AGBL4: variants seen among roughly 807,000 people sequenced by gnomAD.
AGBL4 encodes the protein cytosolic carboxypeptidase 6.
Under a neutral mutation model 66.4 loss-of-function variants are expected in AGBL4, and 58 were observed. The observed-to-expected ratio is 0.87, with a 90% CI of 0.71 to 1.09. AGBL4 has a LOEUF of 1.09. Among genes scored for constraint, AGBL4 ranks in the 50% least tolerant of loss-of-function variants. The pLI, the probability that AGBL4 is intolerant of heterozygous loss-of-function variation, is 0.00. For synonymous variants in AGBL4, 234 were observed against 222.9 expected, an observed-to-expected ratio of 1.05 and a Z score of -0.44; for missense variants, 579 against 631.0, an observed-to-expected ratio of 0.92 and a Z score of 0.88.
At chr1:50,015,559 A>G (rs1398053475) in intron 1 of AGBL4, among the ~76,000 whole-genome samples, 1 of 152,188 alleles carries the variant, frequency 6.6e-6, no homozygotes, top group Admixed American at 6.5e-5. Flanking sequence ...TGGGAGGCTG[A>G]GATGAGACCA....
chr1:49,560,788 AG>A (rs1644019281), intron 3 of AGBL4, among the ~76,000 whole-genome samples: 1 of 25,148 alleles, frequency 4.0e-5, no homozygotes, highest in South Asian at 9.7e-4. Flanking sequence ...CTTACAAACT[AG>A]GAGAGACTCG....
At chr1:48,909,322 A>G (rs1051607861) in intron 5 of AGBL4, among the ~76,000 whole-genome samples, 1 of 152,180 alleles carries the variant, frequency 6.6e-6, no homozygotes, top group African/African-American at 2.4e-5. Flanking sequence ...TCAGTACTCA[A>G]TAAGGAATTT....
intron 3 of AGBL4, among the ~76,000 whole-genome samples, chr1:49,247,027 C>G (rs1282953257): frequency 6.6e-6 from 1 of 151,966 alleles, no homozygotes; most frequent in East Asian, 1.9e-4. Context: ...TAAATGTAGA[C>G]ACTATGGCTC....
intron 3 of AGBL4, among the ~76,000 whole-genome samples, chr1:49,438,194 T>A (rs1645945784): frequency 6.6e-6 from 1 of 152,216 alleles, no homozygotes; most frequent in Non-Finnish European, 1.5e-5. Flanking sequence ...AACTTTCCTT[T>A]GGCCAACCTA....
intron 4 of AGBL4, among the ~76,000 whole-genome samples, chr1:49,122,641 T>C (rs1272986148): frequency 1.3e-5 from 2 of 152,196 alleles, no homozygotes; most frequent in African/African-American, 4.8e-5. Flanking sequence ...CAACCTGCAG[T>C]TTAATCCTAA....
intron 2 of AGBL4, among the ~76,000 whole-genome samples, chr1:49,848,759 G>A (rs921280250): frequency 5.9e-5 from 9 of 152,020 alleles, no homozygotes; most frequent in Admixed American, 3.9e-4. Flanking sequence ...TTACCACTAC[G>A]CAATATATCA....
chr1:49,275,626 AT>A (rs756167237), intron 3 of AGBL4, among the ~76,000 whole-genome samples: 39 of 152,174 alleles, frequency 2.6e-4, no homozygotes, highest in Non-Finnish European at 4.6e-4. Flanking sequence ...GAGAGAAAAA[AT>A]GTTTCAGAAA....
chr1:48,669,297 G>T (rs1646239529), intron 6 of AGBL4, among the ~76,000 whole-genome samples: 1 of 152,190 alleles, frequency 6.6e-6, no homozygotes, highest in African/African-American at 2.4e-5. Context: ...ATAATAGCAG[G>T]TGCCATTTAC....
chr1:48,796,336 G>C (rs1342567097), intron 6 of AGBL4, among the ~76,000 whole-genome samples: 2 of 152,168 alleles, frequency 1.3e-5, no homozygotes, highest in Non-Finnish European at 2.9e-5. Context: ...GTTATGTGTG[G>C]CTTGTTTACT....
At chr1:49,720,686 T>A (rs1443574738) in intron 2 of AGBL4, among the ~76,000 whole-genome samples, 1 of 152,122 alleles carries the variant, frequency 6.6e-6, no homozygotes, top group Admixed American at 6.6e-5. Flanking sequence ...TCAAATGACG[T>A]GATACGTGCA....
At chr1:49,554,267 C>T (rs984645716) in intron 3 of AGBL4, among the ~76,000 whole-genome samples, 9 of 152,108 alleles carry the variant, frequency 5.9e-5, no homozygotes, top group East Asian at 1.9e-4. Context: ...AGAGAAGTTC[C>T]GATAAATAAG....
Position 49,048,021 on chromosome 1 carries a change from G to A in AGBL4, c.378-2221C>T, listed in dbSNP as rs528644825. On this transcript the variant is annotated intron_variant, in intron 4 of 13. Transcript: ENST00000371839. ...AGATGCAGTTAAGTGAGGCAGGCTG[G>A]TGGCATACACGAGTCCCAGGGTTCC... 1.3e-3 allele frequency among the ~76,000 whole-genome samples: 192 copies of A among 152,246 alleles called. 7 individuals are homozygous for A. The South Asian group carries it at 0.039, about 31-fold the overall frequency.
chr1:49,332,455 TCATTGTTC>T (rs1645354046), intron 3 of AGBL4, among the ~76,000 whole-genome samples: 1 of 152,174 alleles, frequency 6.6e-6, no homozygotes, highest in East Asian at 1.9e-4. Flanking sequence ...GTGGAAAACT[TCATTGTTC>T]CATAAAGTCT....
At chr1:49,655,092 T>C (rs2124464671) in intron 3 of AGBL4, among the ~76,000 whole-genome samples, 1 of 152,314 alleles carries the variant, frequency 6.6e-6, no homozygotes, top group East Asian at 1.9e-4. Flanking sequence ...CTTTCCATGT[T>C]TAGTGCTTCC....
intron 1 of AGBL4, among the ~76,000 whole-genome samples, chr1:49,959,982 A>G (rs962529065): frequency 6.6e-6 from 1 of 151,816 alleles, no homozygotes; most frequent in Non-Finnish European, 1.5e-5. Context: ...CATGAATACT[A>G]GGAGGGGAAC....
chr1:49,829,463 A>G (rs982321449), intron 2 of AGBL4, among the ~76,000 whole-genome samples: 4 of 152,146 alleles, frequency 2.6e-5, no homozygotes, highest in African/African-American at 9.7e-5. Context: ...AAAACTATCA[A>G]ATTACATCAG....
intron 4 of AGBL4, among the ~76,000 whole-genome samples, chr1:49,206,698 CA>C (rs988635797): frequency 7.2e-5 from 11 of 151,742 alleles, no homozygotes; most frequent in African/African-American, 2.4e-4. Flanking sequence ...GCGTCACTGA[CA>C]AAAAAATCAA....
intron 6 of AGBL4, among the ~76,000 whole-genome samples, chr1:48,745,122 C>G (rs1017077561): frequency 6.6e-6 from 1 of 152,128 alleles, no homozygotes; most frequent in African/African-American, 2.4e-5. Flanking sequence ...CATCTTGGAG[C>G]GTAGGGAAGC....
chr1:49,975,576 CTT>C (rs1320601989), intron 1 of AGBL4, among the ~76,000 whole-genome samples: 1 of 152,152 alleles, frequency 6.6e-6, no homozygotes, highest in Non-Finnish European at 1.5e-5. Context: ...GATCCAGACT[CTT>C]GAGGTTTGCA....
Sources: gnomAD v4.1 joint callset for allele counts (sites outside exome capture counted in the v4.1 genomes callset) on GRCh38, gnomAD v4.1.1 for gene constraint, MANE v1.5 for transcripts, NCBI Gene and HGNC (gene_info 2026-07-23, HGNC 2026-07-21) for gene names.